Variants in ANO3 observed in about 807,000 individuals in gnomAD.
ANO3 encodes anoctamin 3, also known as anoctamin-3.
ANO3 carries 99 observed loss-of-function variants against 144.8 expected under a neutral mutation model. The observed-to-expected ratio is 0.68, with a 90% CI of 0.58 to 0.81. ANO3 has a LOEUF of 0.81. Ranked by LOEUF, ANO3 falls within the 30% of genes least tolerant of loss-of-function variation. The pLI is 0.00. For synonymous variants in ANO3, 414 were observed against 392.6 expected, an observed-to-expected ratio of 1.05 and a Z score of -0.64; for missense variants, 905 against 1,202.2, an observed-to-expected ratio of 0.75 and a Z score of 3.66.
chr11:26,657,525 A>G (rs980888066), intron 26 of ANO3, among the ~76,000 whole-genome samples: 4 of 152,150 alleles, frequency 2.6e-5, no homozygotes, highest in Non-Finnish European at 5.9e-5. Context: ...GATTCAAAGC[A>G]AACTGTCATC....
intron 26 of ANO3, among the ~76,000 whole-genome samples, 169 bp downstream of exon 26, chr11:26,656,650 G>T (rs149357240): frequency 7.2e-5 from 11 of 152,234 alleles, no homozygotes; most frequent in South Asian, 6.2e-4. Context: ...AAAAGCAAGA[G>T]CTGAATAATG....
At chr11:26,546,067 T>C (rs1215613756) in intron 11 of ANO3, among the ~76,000 whole-genome samples, 3 of 151,946 alleles carry the variant, frequency 2.0e-5, no homozygotes, top group Non-Finnish European at 4.4e-5. Context: ...GATTTGTCTG[T>C]GCAACCCTCT....
Position 26,416,982 on chromosome 11 carries a change from G to A in ANO3, c.47-24936G>A, listed in dbSNP as rs115678835. ...TTCAGCTTCAACTTCACAAGTCCCA[G>A]TGCATAGGAAACAAATGTAGCAAAG... On this transcript the variant is annotated intron_variant, in intron 1 of 26. Coordinates refer to ENST00000256737, the MANE Select transcript of ANO3 (RefSeq NM_031418.4). Among the ~76,000 whole-genome samples, 665 of 152,136 alleles carry A rather than the reference G, an allele frequency of 4.4e-3. 5 individuals are homozygous for A. The highest frequency in any genetic ancestry group is 0.016 in the African/African-American group (647 of 41,522).
chr11:26,332,120 C>A, upstream of ANO3: 2 of 1,490,636 alleles, frequency 1.3e-6, no homozygotes, highest in South Asian at 1.3e-5. Context: ...CACCGGCGGG[C>A]GCGTAGCCTG....
At chr11:26,566,999 T>A in intron 14 of ANO3, 5 of 1,365,224 alleles carry the variant, frequency 3.7e-6, no homozygotes, top group Non-Finnish European at 4.9e-6. Context: ...ATAATATATC[T>A]ATAGTGTCTT....
chr11:26,220,870 C>T (rs1209909851), intron 1 of ANO3, among the ~76,000 whole-genome samples: 2 of 152,128 alleles, frequency 1.3e-5, no homozygotes, highest in African/African-American at 4.8e-5. Context: ...TATCCATCAG[C>T]TTTCAAAGGC....
chr11:26,597,203 C>T (rs186988474), intron 14 of ANO3, among the ~76,000 whole-genome samples: 193 of 152,262 alleles, frequency 1.3e-3, no homozygotes, highest in African/African-American at 4.3e-3. Context: ...GCAGGCCACT[C>T]CCAAGATGGG....
In ANO3 at chr11:26,421,108, A is replaced by C. The variant is rs1857738398; in HGVS notation, c.47-20810A>C. 5.9e-5 allele frequency among the ~76,000 whole-genome samples: 9 copies of C among 151,960 alleles called. No homozygotes were observed. The South Asian group carries it at 1.9e-3, about 32-fold the overall frequency. On this transcript the variant is annotated intron_variant, in intron 1 of 26. Transcript: ENST00000256737. ...AATGGGGATGACAGATCCTAACGGG[A>C]CTCTTAAGATAATAATTTTTTTCCC...
At chr11:26,575,922 C>T (rs1850973666) in intron 14 of ANO3, among the ~76,000 whole-genome samples, 1 of 152,106 alleles carries the variant, frequency 6.6e-6, no homozygotes, top group Non-Finnish European at 1.5e-5. Flanking sequence ...TAGAGGATAG[C>T]GTTGTTACAA....
At chr11:26,656,052 G>T (rs1243590257) in intron 24 of ANO3, 73 bp from the exon 25 acceptor site, 4 of 1,187,032 alleles carry the variant, frequency 3.4e-6, no homozygotes, top group Admixed American at 2.1e-5. Context: ...TAAAATCCTG[G>T]CATTTGTAAT....
intron 1 of ANO3, among the ~76,000 whole-genome samples, chr11:26,234,983 C>CAG (rs957536414): frequency 1.1e-4 from 11 of 99,328 alleles, no homozygotes; most frequent in Admixed American, 2.0e-4. Flanking sequence ...AGCAGTTAGA[C>CAG]AGAGAGAGAG....
chr11:26,301,983 C>G (rs186678980), intron 1 of ANO3, among the ~76,000 whole-genome samples: 15 of 152,174 alleles, frequency 9.9e-5, no homozygotes, highest in African/African-American at 3.4e-4. Context: ...TATCCCAAAT[C>G]GAAAAGTAGG....
chr11:26,392,065 T>C (rs1378793075), intron 1 of ANO3, among the ~76,000 whole-genome samples: 1 of 152,034 alleles, frequency 6.6e-6, no homozygotes, highest in African/African-American at 2.4e-5. Context: ...TTCTTTACCC[T>C]TCCTCTCTGA....
intron 4 of ANO3, among the ~76,000 whole-genome samples, chr11:26,497,100 CTG>C (rs932925500): frequency 2.0e-5 from 3 of 150,254 alleles, no homozygotes; most frequent in African/African-American, 7.3e-5. Context: ...ATATATATTT[CTG>C]TGTGTGTATA....
chr11:26,283,366 A>ATATG (rs1263543417), intron 1 of ANO3, among the ~76,000 whole-genome samples: 4 of 117,628 alleles, frequency 3.4e-5, no homozygotes, highest in East Asian at 2.6e-4. Flanking sequence ...ATATATATAT[A>ATATG]GCGAGCATTT....
At chr11:26,534,588 T>C in intron 9 of ANO3, 26 bp downstream of exon 9, 1 of 1,479,370 alleles carries the variant, frequency 6.8e-7, no homozygotes. Context: ...AATAACAGAG[T>C]AGAACTTGCT....
At chr11:26,189,236 C>T (rs2133900973) in exon 1 of ANO3, 2 of 985,044 alleles carry the variant, frequency 2.0e-6, no homozygotes, top group Non-Finnish European at 2.4e-6. Flanking sequence ...GACATGAGCA[C>T]GCTTCCAACT....
chr11:26,288,741 G>C lies in ANO3; in HGVS notation c.155-20904G>C, dbSNP rs12289947. On this transcript the variant is annotated intron_variant, in intron 1 of 27. Coordinates refer to the ANO3 transcript ENST00000672621. ...AGCAAGATAGGAAAGGAAGTGAGAG[G>C]AATATTACTTTGCCACCTGAATACA... Among the ~76,000 whole-genome samples, 890 of 152,046 alleles carry C rather than the reference G, an allele frequency of 5.9e-3. 10 individuals carry two copies. The highest frequency in any genetic ancestry group is 0.02 in the African/African-American group (846 of 41,486).
At chr11:26,283,378 T>C (rs1853728857) in intron 1 of ANO3, among the ~76,000 whole-genome samples, 1 of 125,884 alleles carries the variant, frequency 7.9e-6, no homozygotes, top group South Asian at 2.7e-4. Context: ...CGAGCATTTT[T>C]TCTGTTCTTA....
Sources: gnomAD v4.1 joint callset for allele counts (sites outside exome capture counted in the v4.1 genomes callset) on GRCh38, gnomAD v4.1.1 for gene constraint, MANE v1.5 for transcripts, NCBI Gene and HGNC (gene_info 2026-07-23, HGNC 2026-07-21) for gene names.